Variants in TRAM2 observed in about 807,000 individuals in gnomAD.
TRAM2 encodes translocating chain-associated membrane protein 2.
TRAM2 carries 12 observed loss-of-function variants against 51.0 expected under a neutral mutation model. The ratio of observed to expected loss-of-function variants is 0.24; its 90% CI spans 0.15 to 0.38. The LOEUF (loss-of-function observed/expected upper bound fraction) is 0.38. Ranked by LOEUF, TRAM2 falls within the 10% of genes least tolerant of loss-of-function variation. The probability of loss-of-function intolerance (pLI) is 1.00; values close to 1 mark genes in which losing one functional copy is unlikely to be tolerated. For missense variants in TRAM2, 361 were observed against 462.0 expected, an observed-to-expected ratio of 0.78 and a Z score of 2.00; for synonymous variants, 175 against 179.4, an observed-to-expected ratio of 0.98 and a Z score of 0.20.
At chr6:52,509,443 G>C (rs1766410655) in intron 5 of TRAM2, 85 bp downstream of exon 5, 5 of 1,353,640 alleles carry the variant, frequency 3.7e-6, no homozygotes, top group Non-Finnish European at 5.3e-6. Context: ...AGCTGGGCCT[G>C]TGGTGTTCTG....
At chr6:52,510,147 G>C (rs999219273) in intron 4 of TRAM2, among the ~76,000 whole-genome samples, 14 of 152,202 alleles carry the variant, frequency 9.2e-5, no homozygotes, top group African/African-American at 3.4e-4. Context: ...TCACCATGCA[G>C]CTGGACTCTG....
chr6:52,528,636 A>C (rs1317455514), intron 2 of TRAM2, among the ~76,000 whole-genome samples: 1 of 152,214 alleles, frequency 6.6e-6, no homozygotes, highest in Non-Finnish European at 1.5e-5. Flanking sequence ...GCTATAGTGT[A>C]GGAGGTTCTC....
intron 1 of TRAM2, among the ~76,000 whole-genome samples, chr6:52,574,412 C>T (rs1460577642): frequency 6.6e-6 from 1 of 152,208 alleles, no homozygotes; most frequent in Admixed American, 6.5e-5. Flanking sequence ...GTGAGGCCCC[C>T]ACCATGTGCC....
intron 1 of TRAM2, among the ~76,000 whole-genome samples, chr6:52,571,231 C>T (rs78081459): frequency 0.017 from 2,626 of 152,266 alleles, 92 homozygotes; most frequent in African/African-American, 0.059. Flanking sequence ...AACTCTAATC[C>T]GCTCTTATCA....
chr6:52,504,528 C>T (rs1482121616), intron 10 of TRAM2, 63 bp downstream of exon 10: 15 of 1,601,208 alleles, frequency 9.4e-6, no homozygotes, highest in Non-Finnish European at 1.2e-5. Flanking sequence ...TGCCTTGGCT[C>T]CTCCCACCCA....
At chr6:52,561,361 C>A (rs983963210) in intron 1 of TRAM2, among the ~76,000 whole-genome samples, 12 of 152,224 alleles carry the variant, frequency 7.9e-5, no homozygotes, top group African/African-American at 2.7e-4. Flanking sequence ...TGGCTCACTG[C>A]AACTTCTGCC....
intron 1 of TRAM2, among the ~76,000 whole-genome samples, chr6:52,539,589 C>T (rs564456472): frequency 6.6e-6 from 1 of 151,760 alleles, no homozygotes; most frequent in East Asian, 1.9e-4. Context: ...AAGCATTTAT[C>T]TTTATTTTTA....
chr6:52,521,433 C>T (rs1371100934), intron 2 of TRAM2, among the ~76,000 whole-genome samples: 12 of 151,794 alleles, frequency 7.9e-5, no homozygotes, highest in Non-Finnish European at 5.9e-5. Flanking sequence ...GTGGCTCACA[C>T]CTGTAATCCC....
intron 4 of TRAM2, among the ~76,000 whole-genome samples, chr6:52,512,884 C>T (rs908740613): frequency 4.6e-5 from 7 of 152,304 alleles, no homozygotes; most frequent in East Asian, 1.9e-4. Flanking sequence ...TAGTAGAAAC[C>T]GGTCCTGGTA....
chr6:52,566,650 C>T (rs1767595096), intron 1 of TRAM2, among the ~76,000 whole-genome samples: 1 of 152,208 alleles, frequency 6.6e-6, no homozygotes, highest in South Asian at 2.1e-4. Context: ...CCCTTGTCCC[C>T]ACTGCATCCC....
At chr6:52,527,488 G>A (rs1766804859) in intron 2 of TRAM2, among the ~76,000 whole-genome samples, 1 of 151,748 alleles carries the variant, frequency 6.6e-6, no homozygotes, top group Non-Finnish European at 1.5e-5. Context: ...GATGTGGGGT[G>A]GGGTCCAGGT....
At chr6:52,566,194 G>A (rs536702292) in intron 1 of TRAM2, among the ~76,000 whole-genome samples, 53 of 152,268 alleles carry the variant, frequency 3.5e-4, no homozygotes, top group Middle Eastern at 6.8e-3. Flanking sequence ...CACTGCACAC[G>A]TCAGGGTTAT....
intron 1 of TRAM2, 95 bp downstream of exon 1, chr6:52,576,701 C>A (rs1037263205): frequency 1.3e-6 from 2 of 1,481,750 alleles, no homozygotes; most frequent in Non-Finnish European, 1.8e-6. Context: ...CAGGAGCCTC[C>A]GATCAGAGGA....
chr6:52,511,213 C>T (rs115274935), intron 4 of TRAM2, among the ~76,000 whole-genome samples: 3,358 of 152,320 alleles, frequency 0.022, 92 homozygotes, highest in Non-Finnish European at 0.029. Flanking sequence ...AAGCGATTCT[C>T]CCGCCTCAGT....
intron 2 of TRAM2, among the ~76,000 whole-genome samples, chr6:52,519,498 T>C (rs1452744522): frequency 6.6e-6 from 1 of 152,000 alleles, no homozygotes; most frequent in Non-Finnish European, 1.5e-5. Flanking sequence ...AAACAACAAG[T>C]ATTGGTGAGG....
At chr6:52,515,148 G>A (rs564733511) in intron 4 of TRAM2, among the ~76,000 whole-genome samples, 86 of 152,320 alleles carry the variant, frequency 5.6e-4, no homozygotes, top group Admixed American at 1.8e-3. Context: ...AGGGATCTGT[G>A]GAAGGCCGGG....
chr6:52,535,712 G>T, intron 2 of TRAM2, 71 bp downstream of exon 2: 1 of 1,412,686 alleles, frequency 7.1e-7, no homozygotes, highest in Non-Finnish European at 9.8e-7. Context: ...TACACAGATG[G>T]GGAAAAGGAA....
chr6:52,514,041 A>G (rs1766497935), intron 4 of TRAM2, among the ~76,000 whole-genome samples: 1 of 152,060 alleles, frequency 6.6e-6, no homozygotes, highest in African/African-American at 2.4e-5. Context: ...GCCTCCACCC[A>G]CTAGATACCA....
Position 52,515,995 on chromosome 6 carries a change from G to C in TRAM2, c.411+11C>G, listed in dbSNP as rs1766540356. 1.2e-6 allele frequency: 2 copies of C among 1,613,272 alleles called. No individual in the cohort carries two copies. Among genetic ancestry groups the C allele is most frequent in the Non-Finnish European group, 1.7e-6 (2 of 1,179,212 alleles). ...AGCTCTCCCGCTTCAGCAGTCCTGA[G>C]AATGGCTCACCGTCACCACCACGTA... On this transcript the variant is annotated intron_variant, in intron 4 of 10. Coordinates refer to ENST00000182527, the MANE Select transcript of TRAM2 (RefSeq NM_012288.4).
Sources: allele counts gnomAD v4.1 joint callset (sites outside exome capture counted in the v4.1 genomes callset), GRCh38; gene constraint gnomAD v4.1.1; transcripts MANE v1.5; gene names NCBI Gene and HGNC (gene_info 2026-07-23, HGNC 2026-07-21).